PROSER2: variants seen among roughly 807,000 people sequenced by gnomAD.
PROSER2 encodes the protein proline and serine-rich protein 2.
In PROSER2, 18 loss-of-function variants were observed where a neutral mutation model predicts 14.6. The observed-to-expected ratio is 1.23, with a 90% CI of 0.85 to 1.83. The LOEUF (loss-of-function observed/expected upper bound fraction) is 1.83, where lower values mean the gene tolerates loss of function less well. Ranked by LOEUF, PROSER2 falls within the 40% of genes most tolerant of loss-of-function variation. The pLI is 0.00. For missense variants in PROSER2, 823 were observed against 629.8 expected (o/e 1.31, Z -3.28); for synonymous variants, 367 against 286.4 (o/e 1.28, Z -2.84).
rs190292102 is a variant in PROSER2 at position 11,856,050 on chromosome 10, A to T, written c.138+3835A>T. ...TGGCTACAAAGGCATCCCTTGAATT[A>T]TGTCTTTTCATTTGAAACATAAGAG... On this transcript the variant is annotated intron_variant, in intron 2 of 3. Coordinates refer to ENST00000277570, the MANE Select transcript of PROSER2 (RefSeq NM_153256.4). The surrounding 1 kb of genome is among the most constrained non-coding windows in gnomAD (Gnocchi z 5.3). Among the ~76,000 whole-genome samples, 6 of 152,298 alleles carry T rather than the reference A, an allele frequency of 3.9e-5. No individual in the cohort carries two copies. The highest frequency in any genetic ancestry group is 1.4e-4 in the African/African-American group (6 of 41,564).
intron 1 of PROSER2, among the ~76,000 whole-genome samples, chr10:11,845,779 G>T (rs989375586): frequency 6.6e-6 from 1 of 152,134 alleles, no homozygotes. Flanking sequence ...TCATTGGCTG[G>T]ACTCAACCAG....
At chr10:11,840,965 T>A (rs1300812859) in intron 1 of PROSER2, among the ~76,000 whole-genome samples, 8 of 60,874 alleles carry the variant, frequency 1.3e-4, no homozygotes, top group Non-Finnish European at 1.9e-4. Flanking sequence ...AATATATATA[T>A]ATATATATAT....
Position 11,869,111 on chromosome 10 carries a change from C to T in PROSER2, c.392-379C>T, listed in dbSNP as rs933856714. Among the ~76,000 whole-genome samples the T allele has an allele frequency of 4.6e-5, 7 of 152,176 alleles. No homozygotes were observed. Among genetic ancestry groups the T allele is most frequent in the Admixed American group, 6.5e-5 (1 of 15,288 alleles). ...TTCATCCAGAAAGACCTGCTGGTGTCGGTGTGTGCCACACACTTTCTAGAC... is the reference window on the plus strand; with the variant it reads ...TTCATCCAGAAAGACCTGCTGGTGTTGGTGTGTGCCACACACTTTCTAGAC... On this transcript the variant is annotated intron_variant, in intron 3 of 3. Coordinates refer to ENST00000277570, the MANE Select transcript of PROSER2 (RefSeq NM_153256.4). This position sits in a 1 kb window ranked among gnomAD's most constrained non-coding sequence, Gnocchi z 4.4.
intron 3 of PROSER2, among the ~76,000 whole-genome samples, chr10:11,867,500 T>C (rs1588501337): frequency 6.6e-6 from 1 of 151,430 alleles, no homozygotes; most frequent in African/African-American, 2.4e-5. Flanking sequence ...GGCGCACACC[T>C]GTAGTCCCAG....
rs989981357 is a variant in PROSER2, at chr10:11,823,924, C to A, written c.-82+454C>A. ...CGGCGGGCGGAGCCACCTGTTCCAC[C>A]CGGGCCCCCAGGTCCTGGAATCACG... On this transcript the variant is annotated intron_variant, in intron 1 of 3. Transcript: ENST00000277570. The surrounding 1 kb of genome is among the most constrained non-coding windows in gnomAD (Gnocchi z 6.2). 6.6e-6 allele frequency among the ~76,000 whole-genome samples: 1 copy of A among 152,090 alleles called. No homozygotes were observed. Among genetic ancestry groups the A allele is most frequent in the Non-Finnish European group, 1.5e-5 (1 of 67,988 alleles).
At chr10:11,835,934 C>T (rs751258721) in intron 1 of PROSER2, among the ~76,000 whole-genome samples, 7 of 152,138 alleles carry the variant, frequency 4.6e-5, no homozygotes, top group East Asian at 1.9e-4. Flanking sequence ...CACCGTGAAA[C>T]GCTCTCATTC....
Position 11,866,854 on chromosome 10 carries a change from T to G in PROSER2, c.391+71T>G. ...CTGTGAGACCCAGAGATACTTCTTT[T>G]GTGTTCCCCTGTGTTTGCCAGTAGA... On this transcript the variant is annotated intron_variant, in intron 3 of 3. Transcript: ENST00000277570. This position sits in a 1 kb window ranked among gnomAD's most constrained non-coding sequence, Gnocchi z 6.0. The G allele has an allele frequency of 6.7e-7, 1 of 1,503,616 alleles. No individual in the cohort carries two copies. Among genetic ancestry groups the G allele is most frequent in the African/African-American group, 1.4e-5 (1 of 72,338 alleles). 93.1% of individuals were successfully genotyped at this position (1,503,616 alleles called of 1,614,324 possible).
At chr10:11,858,869 C>T (rs1418206301) in intron 2 of PROSER2, among the ~76,000 whole-genome samples, 4 of 151,246 alleles carry the variant, frequency 2.6e-5, no homozygotes, top group Admixed American at 1.3e-4. Context: ...GTTAGCTGGG[C>T]GTGTTGGCAG....
At chr10:11,860,903 C>T (rs1834223674) in intron 2 of PROSER2, among the ~76,000 whole-genome samples, 1 of 152,056 alleles carries the variant, frequency 6.6e-6, no homozygotes, top group Non-Finnish European at 1.5e-5. Flanking sequence ...GTCAGGAATT[C>T]GAGACCAGGC....
chr10:11,866,836 A>T lies in PROSER2; in HGVS notation c.391+53A>T, dbSNP rs1834358792. On this transcript the variant is annotated intron_variant, in intron 3 of 3. Coordinates refer to ENST00000277570, the MANE Select transcript of PROSER2 (RefSeq NM_153256.4). The surrounding 1 kb of genome is among the most constrained non-coding windows in gnomAD (Gnocchi z 6.0). ...GATGTGGTTTCCTGGTGTCTGTGAGACCCAGAGATACTTCTTTTGTGTTCC... is the reference window on the plus strand; with the variant it reads ...GATGTGGTTTCCTGGTGTCTGTGAGTCCCAGAGATACTTCTTTTGTGTTCC... The T allele has an allele frequency of 1.9e-6, 3 of 1,559,246 alleles. No individual in the cohort carries two copies. The Admixed American group carries it at 5.5e-5, about 29-fold the overall frequency.
At chr10:11,861,889 CAT>C in intron 2 of PROSER2, among the ~76,000 whole-genome samples, 1 of 152,240 alleles carries the variant, frequency 6.6e-6, no homozygotes, top group Admixed American at 6.5e-5. Context: ...CCTAGGAAGA[CAT>C]AGGGCAGAAA....
rs776190923 is a variant in PROSER2 at position 11,865,459 on chromosome 10, C to G, written c.139-1072C>G. 3.3e-5 allele frequency among the ~76,000 whole-genome samples: 5 copies of G among 152,330 alleles called. No homozygotes were observed. The highest frequency in any genetic ancestry group is 2.1e-4 in the South Asian group (1 of 4,814). ...TATCCTTTGATTTTGATAGCTGTTT[C>G]ACATTAACAGTTTTCCTCAGATGCT... On this transcript the variant is annotated intron_variant, in intron 2 of 3. Transcript: ENST00000277570. The surrounding 1 kb of genome is among the most constrained non-coding windows in gnomAD (Gnocchi z 4.2).
chr10:11,851,577 T>C (rs1179635203), intron 1 of PROSER2: 1 of 152,118 alleles, frequency 6.6e-6, no homozygotes, highest in African/African-American at 2.4e-5. Flanking sequence ...GATACCACAT[T>C]ATTCTGTCAT....
rs1277125328 is a variant in PROSER2, at chr10:11,869,792, G to T, written c.694G>T (p.Gly232Trp). ...GGAGTGGAGGACACCTGCCGCCCGG[G>T]GGCCCCGCAGTGGAGACCCTGGCCC... is the stretch of plus-strand genomic sequence containing the variant. The part of the protein sequence containing the change: ...PGEWRTPAAR[G>W]PRSGDPGPGP... The change falls in exon 4 of 4, where the codon GGG (glycine) becomes TGG (tryptophan). Residue 232 changes from glycine (G) to tryptophan (W), a missense_variant. Transcript: ENST00000277570. This position sits in a 1 kb window ranked among gnomAD's most constrained non-coding sequence, Gnocchi z 4.4. The T allele has an allele frequency of 6.4e-7, 1 of 1,554,272 alleles. No individual in the cohort carries two copies. Among genetic ancestry groups the T allele is most frequent in the African/African-American group, 1.4e-5 (1 of 73,648 alleles).
intron 1 of PROSER2, among the ~76,000 whole-genome samples, chr10:11,846,053 C>G (rs1833919806): frequency 6.6e-6 from 1 of 152,192 alleles, no homozygotes; most frequent in Non-Finnish European, 1.5e-5. Context: ...GTGGTGCGAT[C>G]TCGGCTCACT....
Position 11,865,983 on chromosome 10 carries a change from T to C in PROSER2, c.139-548T>C, listed in dbSNP as rs10082444. 0.21 allele frequency among the ~76,000 whole-genome samples: 31,609 copies of C among 152,082 alleles called. 3,456 individuals carry two copies. Among genetic ancestry groups the C allele is most frequent in the Middle Eastern group, 0.31 (91 of 294 alleles). On this transcript the variant is annotated intron_variant, in intron 2 of 3. Transcript: ENST00000277570. The surrounding 1 kb of genome is among the most constrained non-coding windows in gnomAD (Gnocchi z 4.2). ...TGGGCCTTCTCAGTCAGTTTCCACC[T>C]GTCCTGCTCTCCGGCTGCCCTGCTT...
Position 11,836,937 on chromosome 10 carries a change from T to C in PROSER2, c.-82+13467T>C, listed in dbSNP as rs1461890348. The stretch of plus-strand genomic sequence containing the variant: ...TTCATAAGTTTTAAATTGTGCACCA[T>C]TCTGAGTAGTGGGATGAAATGCGTC... On this transcript the variant is annotated intron_variant, in intron 1 of 3. Transcript: ENST00000277570. This position sits in a 1 kb window ranked among gnomAD's most constrained non-coding sequence, Gnocchi z 4.6. Among the ~76,000 whole-genome samples the C allele has an allele frequency of 2.6e-5, 4 of 152,182 alleles. No individual in the cohort carries two copies. Among genetic ancestry groups the C allele is most frequent in the African/African-American group, 9.7e-5 (4 of 41,440 alleles).
At chr10:11,864,211 A>G (rs984880691) in intron 2 of PROSER2, among the ~76,000 whole-genome samples, 2 of 152,136 alleles carry the variant, frequency 1.3e-5, no homozygotes, top group East Asian at 1.9e-4. Flanking sequence ...CTAGTTCACA[A>G]TTTATCCGGG....
chr10:11,847,694 C>T (rs7072900), intron 1 of PROSER2, among the ~76,000 whole-genome samples: 78,422 of 152,114 alleles, frequency 0.52, 20,734 homozygotes, highest in East Asian at 0.74. Context: ...GCTGGGATTA[C>T]AGGCGTGAGC....
Sources: allele counts gnomAD v4.1 joint callset (sites outside exome capture counted in the v4.1 genomes callset), GRCh38; gene constraint gnomAD v4.1.1; non-coding constraint Gnocchi (gnomAD v3.1); transcripts MANE v1.5; gene names NCBI Gene and HGNC (gene_info 2026-07-23, HGNC 2026-07-21).